Variants in MSH4 observed in about 807,000 individuals in gnomAD.
The protein encoded by MSH4 is mutS protein homolog 4.
Under a neutral mutation model 113.7 loss-of-function variants are expected in MSH4, and 106 were observed. The ratio of observed to expected loss-of-function variants is 0.93; its 90% CI spans 0.80 to 1.10. The LOEUF (loss-of-function observed/expected upper bound fraction) is 1.10, where lower values mean the gene tolerates loss of function less well. Ranked by LOEUF, MSH4 falls within the 50% of genes least tolerant of loss-of-function variation. The pLI, the probability that MSH4 is intolerant of heterozygous loss-of-function variation, is 0.00. For missense variants in MSH4, 1,061 were observed against 1,093.7 expected (o/e 0.97, Z 0.42); for synonymous variants, 368 against 380.2 (o/e 0.97, Z 0.37).
chr1:75,857,316 G>A (rs1651341743), intron 8 of MSH4, among the ~76,000 whole-genome samples: 1 of 152,062 alleles, frequency 6.6e-6, no homozygotes, highest in African/African-American at 2.4e-5. Context: ...GTCAATTTTG[G>A]CTTTTGTTGC....
In MSH4 at chr1:75,883,600, C is replaced by T. The variant is rs5745484; in HGVS notation, c.1907-21C>T. 2.5e-4 allele frequency: 401 copies of T among 1,580,718 alleles called. 1 individual carries two copies. In the African/African-American group the frequency reaches 4.8e-3, roughly 19 times the overall value. On this transcript the variant is annotated intron_variant, in intron 14 of 19. Transcript: ENST00000263187. Reference sequence around the variant, plus strand: ...CACAAATATATTAATCTTTAAAAACCATTCTATTTTTTTTCTTAAGTTCGA... The same window carrying T: ...CACAAATATATTAATCTTTAAAAACTATTCTATTTTTTTTCTTAAGTTCGA...
chr1:75,859,893 T>C (rs1384104548), intron 8 of MSH4, among the ~76,000 whole-genome samples: 2 of 152,192 alleles, frequency 1.3e-5, no homozygotes, highest in Admixed American at 1.3e-4. Flanking sequence ...TGTGCAGGAG[T>C]CTAAGTCTCT....
chr1:75,860,040 T>C (rs553549458), intron 8 of MSH4, among the ~76,000 whole-genome samples: 23 of 152,308 alleles, frequency 1.5e-4, no homozygotes, highest in African/African-American at 5.3e-4. Context: ...CTTTTTTATC[T>C]TTGTTGGTTT....
Position 75,889,232 on chromosome 1 carries a change from T to C in MSH4, c.2108-19T>C. 1.8e-6 allele frequency: 2 copies of C among 1,116,958 alleles called. No homozygotes were observed. The highest frequency in any genetic ancestry group is 2.7e-6 in the Non-Finnish European group (2 of 748,664). 69.2% of individuals were successfully genotyped at this position (1,116,958 alleles called of 1,614,324 possible). ...TTTTATAAACACATTTCAGTTTATC[T>C]TGACCTTATATTTTACAGGATCATA... On this transcript the variant is annotated intron_variant, in intron 15 of 19. Coordinates refer to ENST00000263187, the MANE Select transcript of MSH4 (RefSeq NM_002440.4).
At chr1:75,811,372 T>C (rs1322186292) in intron 4 of MSH4, among the ~76,000 whole-genome samples, 1 of 152,108 alleles carries the variant, frequency 6.6e-6, no homozygotes, top group Non-Finnish European at 1.5e-5. Context: ...AAAGAAAACA[T>C]GTTTTAGGTA....
At position 75,865,938 on chromosome 1, in the gene MSH4, G is replaced by A. The variant is rs189692795; in HGVS notation, c.1231-1576G>A. Among the ~76,000 whole-genome samples, 52 of 152,076 alleles carry A rather than the reference G, an allele frequency of 3.4e-4. 1 individual carries two copies. Among genetic ancestry groups the A allele is most frequent in the Admixed American group, 6.6e-4 (10 of 15,266 alleles). ...TCATAATTCTACTGGTACTATTTACGGAAAAGACTCTCCTTTCCCCACTGT... is the reference window on the plus strand; with the variant it reads ...TCATAATTCTACTGGTACTATTTACAGAAAAGACTCTCCTTTCCCCACTGT... On this transcript the variant is annotated intron_variant, in intron 8 of 19. Coordinates refer to ENST00000263187, the MANE Select transcript of MSH4 (RefSeq NM_002440.4).
At chr1:75,807,978 A>G (rs5745338) in intron 3 of MSH4, among the ~76,000 whole-genome samples, 3,214 of 152,274 alleles carry the variant, frequency 0.021, 117 homozygotes, top group African/African-American at 0.074. Flanking sequence ...ATTTGACTCC[A>G]CAGAAGTTCG....
intron 19 of MSH4, among the ~76,000 whole-genome samples, chr1:75,905,998 T>A (rs958484706): frequency 2.6e-5 from 4 of 152,072 alleles, no homozygotes; most frequent in African/African-American, 9.7e-5. Context: ...TTTATTTCTT[T>A]TATTTTTTTT....
chr1:75,827,609 C>T (rs1254869118), intron 7 of MSH4, among the ~76,000 whole-genome samples: 1 of 145,932 alleles, frequency 6.9e-6, no homozygotes, highest in African/African-American at 2.5e-5. Context: ...CATGCAAAGA[C>T]ACACATAGGC....
chr1:75,885,178 TA>T (rs1285659336), intron 15 of MSH4, among the ~76,000 whole-genome samples: 1 of 145,266 alleles, frequency 6.9e-6, no homozygotes, highest in African/African-American at 2.5e-5. Flanking sequence ...CACTTAATAA[TA>T]TACGCTATGT....
chr1:75,850,112 A>G (rs1198651049), intron 8 of MSH4, among the ~76,000 whole-genome samples: 2 of 152,094 alleles, frequency 1.3e-5, no homozygotes, highest in Non-Finnish European at 2.9e-5. Flanking sequence ...GGTATTCTCA[A>G]GGAGCCAACT....
chr1:75,818,314 C>T (rs1650333533), intron 6 of MSH4, among the ~76,000 whole-genome samples: 1 of 152,178 alleles, frequency 6.6e-6, no homozygotes, highest in Non-Finnish European at 1.5e-5. Flanking sequence ...ATTCATCTCT[C>T]TCTATTCTTA....
chr1:75,889,495 G>A (rs1652203438), intron 16 of MSH4, 126 bp downstream of exon 16: 1 of 456,844 alleles, frequency 2.2e-6, no homozygotes, highest in South Asian at 4.0e-5. Context: ...AAGAGCCAGA[G>A]GGCAGTCAAA....
At chr1:75,871,789 T>G (rs1651716927) in intron 9 of MSH4, among the ~76,000 whole-genome samples, 1 of 152,230 alleles carries the variant, frequency 6.6e-6, no homozygotes, top group Admixed American at 6.5e-5. Context: ...CCAACAATGG[T>G]CATTACAGTA....
intron 2 of MSH4, among the ~76,000 whole-genome samples, chr1:75,805,554 AT>A (rs5775309): frequency 4.0e-5 from 6 of 149,244 alleles, no homozygotes; most frequent in Admixed American, 6.6e-5. Flanking sequence ...TGCTCAGCCA[AT>A]TTTTTTTTTT....
chr1:75,803,121 G>A (rs1253873256), intron 1 of MSH4, among the ~76,000 whole-genome samples: 1 of 152,146 alleles, frequency 6.6e-6, no homozygotes, highest in Non-Finnish European at 1.5e-5. Flanking sequence ...AAGTTTCAGA[G>A]GGGACAGATA....
At chr1:75,902,777 A>G in intron 19 of MSH4, among the ~76,000 whole-genome samples, 1 of 141,846 alleles carries the variant, frequency 7.0e-6, no homozygotes, top group Admixed American at 7.3e-5. Flanking sequence ...GGTTGAACTA[A>G]TTTACATTCC....
rs1189515677 is a variant in MSH4, at chr1:75,897,946, C to T, written c.2395C>T (p.His799Tyr). ...TGCTACACATTTCCTGGAACTATGC[C>T]ATATTGATGCCCTGTATCCTAATGT... ...LFATHFLELC[H>Y]IDALYPNVEN... Residue 799 changes from histidine (H) to tyrosine (Y), a missense_variant, in exon 18 of 20, where the codon CAT (histidine) becomes TAT (tyrosine). Physicochemically the swap from His to Tyr is moderately conservative, Grantham distance 83. Coordinates refer to ENST00000263187, the MANE Select transcript of MSH4 (RefSeq NM_002440.4). 10 of 1,591,492 alleles carry T rather than the reference C, an allele frequency of 6.3e-6. No homozygotes were observed. Among genetic ancestry groups the T allele is most frequent in the Non-Finnish European group, 8.6e-6 (10 of 1,169,106 alleles).
At chr1:75,884,723 T>C (rs1157041529) in intron 15 of MSH4, among the ~76,000 whole-genome samples, 2 of 151,866 alleles carry the variant, frequency 1.3e-5, no homozygotes, top group African/African-American at 4.8e-5. Context: ...ATGTAATGAA[T>C]TGTAAGGAGA....
Sources: gnomAD v4.1 joint callset for allele counts (sites outside exome capture counted in the v4.1 genomes callset) on GRCh38, gnomAD v4.1.1 for gene constraint, MANE v1.5 for transcripts, NCBI Gene and HGNC (gene_info 2026-07-23, HGNC 2026-07-21) for gene names.